SLC44A1: variants seen among roughly 807,000 people sequenced by gnomAD.
SLC44A1 encodes the protein choline transporter-like protein 1.
Under a neutral mutation model 79.3 loss-of-function variants are expected in SLC44A1, and 26 were observed. That is an observed-to-expected ratio of 0.33 (90% CI 0.24 to 0.46). SLC44A1 has a LOEUF of 0.46. Ranked by LOEUF, SLC44A1 falls within the 20% of genes least tolerant of loss-of-function variation. The probability of loss-of-function intolerance (pLI) is 1.00; values close to 1 mark genes in which losing one functional copy is unlikely to be tolerated. For missense variants in SLC44A1, 688 were observed against 798.1 expected (o/e 0.86, Z 1.66); for synonymous variants, 263 against 286.2 (o/e 0.92, Z 0.82).
rs188091356 is a variant in SLC44A1 at position 105,341,948 on chromosome 9, T to C, written c.406+6249T>C. ...TCTTAAGCCCTCTTGTTTGTACTCT[T>C]TCCAAAACTTATGCCCTACAGAGAA... On this transcript the variant is annotated intron_variant, in intron 4 of 15. Transcript: ENST00000374720. 1.6e-3 allele frequency among the ~76,000 whole-genome samples: 244 copies of C among 152,304 alleles called. 1 individual carries two copies. Among genetic ancestry groups the C allele is most frequent in the African/African-American group, 5.7e-3 (237 of 41,568 alleles).
downstream of SLC44A1, among the ~76,000 whole-genome samples, chr9:105,400,489 AAAAAAG>A (rs1554690314): frequency 6.6e-6 from 1 of 151,784 alleles, no homozygotes; most frequent in African/African-American, 2.4e-5. Flanking sequence ...CGCCATCTCA[AAAAAAG>A]AAAAAGAAAA....
chr9:105,428,481 C>T (rs1295128574), intron 15 of SLC44A1, among the ~76,000 whole-genome samples: 1 of 152,338 alleles, frequency 6.6e-6, no homozygotes, highest in East Asian at 1.9e-4. Context: ...TGATCAACCA[C>T]ATCTGGGTTC....
intron 15 of SLC44A1, among the ~76,000 whole-genome samples, chr9:105,418,866 A>C (rs1041882627): frequency 6.6e-6 from 1 of 152,238 alleles, no homozygotes; most frequent in African/African-American, 2.4e-5. Flanking sequence ...CCAAGTCAAC[A>C]GCCTAAAGGA....
At chr9:105,358,277 A>G in intron 6 of SLC44A1, 67 bp from the exon 7 acceptor site, 1 of 894,428 alleles carries the variant, frequency 1.1e-6, no homozygotes, top group Non-Finnish European at 1.8e-6. Context: ...AACCATTTAA[A>G]GCGTTTTTAT....
At chr9:105,413,578 C>G (rs1829126760) in intron 15 of SLC44A1, among the ~76,000 whole-genome samples, 1 of 152,250 alleles carries the variant, frequency 6.6e-6, no homozygotes, top group African/African-American at 2.4e-5. Flanking sequence ...TGCCTGATTT[C>G]TCCACAGTTG....
intron 3 of SLC44A1, among the ~76,000 whole-genome samples, chr9:105,323,215 C>CAAAAAA: frequency 1.3e-5 from 1 of 76,598 alleles, no homozygotes; most frequent in Admixed American, 1.7e-4. Context: ...AACTCCATCT[C>CAAAAAA]AAAAAAAAAA....
chr9:105,317,798 A>G (rs1354629702), intron 3 of SLC44A1, among the ~76,000 whole-genome samples: 1 of 152,192 alleles, frequency 6.6e-6, no homozygotes, highest in Admixed American at 6.5e-5. Context: ...ACATTTGTCC[A>G]TTGGACTAAT....
Position 105,391,222 on chromosome 9 carries a change from T to G in SLC44A1, c.*2166T>G. ...TGGACATCCCTGCATCATGGACTGTTGCTGCTCCCTGTTCCATATGCTCGC... is the reference window on the plus strand; with the variant it reads ...TGGACATCCCTGCATCATGGACTGTGGCTGCTCCCTGTTCCATATGCTCGC... On this transcript the variant is annotated 3_prime_UTR_variant, in exon 16 of 16. Transcript: ENST00000374720. 1.0e-6 allele frequency: 1 copy of G among 985,810 alleles called. No individual in the cohort carries two copies. The highest frequency in any genetic ancestry group is 1.2e-6 in the Non-Finnish European group (1 of 829,918). 61.1% of individuals were successfully genotyped at this position (985,810 alleles called of 1,614,324 possible). A position where few individuals can be genotyped will look rare whatever the true frequency, so the allele number is the denominator to read the frequency against.
rs1014177947 is a variant in SLC44A1, at chr9:105,394,469, G to A, written c.*5413G>A. On this transcript the variant is annotated 3_prime_UTR_variant, in exon 16 of 16. Transcript: ENST00000374720. The stretch of plus-strand genomic sequence containing the variant: ...TGTGTGTGTGTGTGTGTGTCCTGGC[G>A]GTTATTTGGGGGCAAGGTACCAGAT... 33 of 980,454 alleles carry A rather than the reference G, an allele frequency of 3.4e-5. No homozygotes were observed. In the East Asian group the frequency reaches 7.0e-4, roughly 21 times the overall value. The allele number at this position is 980,454 out of a possible 1,614,324, so 60.7% of individuals were successfully genotyped here. A position where few individuals can be genotyped will look rare whatever the true frequency, so the allele number is the denominator to read the frequency against.
chr9:105,384,618 A>G (rs991026004), intron 14 of SLC44A1, among the ~76,000 whole-genome samples: 2 of 152,112 alleles, frequency 1.3e-5, no homozygotes, highest in Non-Finnish European at 2.9e-5. Context: ...CTAACTGGTT[A>G]TTTTCTTAAT....
At position 105,351,604 on chromosome 9, in the gene SLC44A1, A is replaced by AAG. The variant is rs1482043431; in HGVS notation, c.500+3155_500+3156dup. Reference sequence around the variant, plus strand: ...AGAGAGAAAGAGAGAAAGAGAAAGAAAGAAAGAAAGAAAGAAAGAGAGAGA... The same window carrying AAG: ...AGAGAGAAAGAGAGAAAGAGAAAGAAAGAGAAAGAAAGAAAGAAAGAGAGAGA... On this transcript the variant is annotated intron_variant, in intron 5 of 15. Transcript: ENST00000374720. Among the ~76,000 whole-genome samples, 468 of 56,630 alleles carry AAG rather than the reference A, an allele frequency of 8.3e-3. 7 individuals are homozygous for AAG. The highest frequency in any genetic ancestry group is 0.014 in the Non-Finnish European group (351 of 24,574). The allele number at this position is 56,630 out of a possible 152,430, so 37.2% of individuals were successfully genotyped here.
intron 1 of SLC44A1, among the ~76,000 whole-genome samples, chr9:105,265,580 C>T (rs548902110): frequency 6.6e-6 from 1 of 152,258 alleles, no homozygotes; most frequent in Admixed American, 6.5e-5. Flanking sequence ...TAATAAAGCT[C>T]CTGTGAACAC....
At chr9:105,326,423 T>A (rs1826577971) in intron 3 of SLC44A1, among the ~76,000 whole-genome samples, 1 of 152,208 alleles carries the variant, frequency 6.6e-6, no homozygotes, top group Non-Finnish European at 1.5e-5. Flanking sequence ...TAATATCATT[T>A]GCTATAAGTG....
At chr9:105,333,167 A>G (rs1416568556) in intron 3 of SLC44A1, among the ~76,000 whole-genome samples, 3 of 152,240 alleles carry the variant, frequency 2.0e-5, no homozygotes, top group Admixed American at 6.5e-5. Flanking sequence ...AGCCTACAGG[A>G]CAGACAGTGT....
At chr9:105,261,974 G>A (rs564611886) in intron 1 of SLC44A1, among the ~76,000 whole-genome samples, 4 of 151,738 alleles carry the variant, frequency 2.6e-5, no homozygotes, top group South Asian at 2.1e-4. Context: ...TAGTTGAGAC[G>A]GGGTTTCACC....
intron 1 of SLC44A1, among the ~76,000 whole-genome samples, chr9:105,265,961 G>C (rs891565706): frequency 1.3e-5 from 2 of 149,214 alleles, no homozygotes; most frequent in Non-Finnish European, 2.9e-5. Flanking sequence ...CTCTTTCTCT[G>C]TGTGTGTGTG....
chr9:105,381,307 TG>T (rs1408178834), intron 13 of SLC44A1, among the ~76,000 whole-genome samples: 1 of 151,388 alleles, frequency 6.6e-6, no homozygotes, highest in African/African-American at 2.4e-5. Flanking sequence ...TGGGAGGCCC[TG>T]GCGGGCGGAT....
At chr9:105,342,638 TC>T (rs1384834468) in intron 4 of SLC44A1, among the ~76,000 whole-genome samples, 2 of 152,140 alleles carry the variant, frequency 1.3e-5, no homozygotes, top group Non-Finnish European at 2.9e-5. Flanking sequence ...GCATCTCTGG[TC>T]CATAGACCAC....
chr9:105,363,474 AT>A (rs1827846162), intron 9 of SLC44A1, among the ~76,000 whole-genome samples: 1 of 144,794 alleles, frequency 6.9e-6, no homozygotes, highest in Non-Finnish European at 1.5e-5. Context: ...CTGGCCTTTT[AT>A]TTTTTTTGAG....
Sources: gnomAD v4.1 joint callset for allele counts (sites outside exome capture counted in the v4.1 genomes callset) on GRCh38, gnomAD v4.1.1 for gene constraint, MANE v1.5 for transcripts, NCBI Gene and HGNC (gene_info 2026-07-23, HGNC 2026-07-21) for gene names.